Variants in ZFP37 observed in about 807,000 individuals in gnomAD.
ZFP37 encodes the protein ZFP37 zinc finger protein, also known as zinc finger protein 37 homolog.
Under a neutral mutation model 52.1 loss-of-function variants are expected in ZFP37, and 38 were observed. The observed-to-expected ratio is 0.73, with a 90% CI of 0.56 to 0.96. ZFP37 has a LOEUF of 0.96. ZFP37 is among the 40% of genes least tolerant of loss of function. The pLI, the probability that ZFP37 is intolerant of heterozygous loss-of-function variation, is 0.00. For missense variants in ZFP37, 695 were observed against 741.4 expected (o/e 0.94, Z 0.73); for synonymous variants, 253 against 259.5 (o/e 0.98, Z 0.24).
In ZFP37 at chr9:113,049,478, G is replaced by A. The variant is rs528582356; in HGVS notation, c.233C>T (p.Pro78Leu). ...QASMGCQAPK[P>L]DMISKLEKGE... ...TTTTTCCAACTTGGAGATCATGTCTGGTTTGGGAGCTTGACACCCTGCTCA... is the reference window on the plus strand; with the variant it reads ...TTTTTCCAACTTGGAGATCATGTCTAGTTTGGGAGCTTGACACCCTGCTCA... The change falls in exon 3 of 4, where the codon CCA (proline) becomes CTA (leucine). Residue 78 changes from proline (P) to leucine (L), a missense_variant. Pro to Leu is a moderately conservative substitution (Grantham distance 98, BLOSUM62 -3). This residue lies in a region of ZFP37 where 369 missense variants were observed against 340.9 expected (regional missense o/e 1.08). Transcript: ENST00000374227. 1 of 1,613,432 alleles carries A rather than the reference G, an allele frequency of 6.2e-7. No homozygotes were observed. Among genetic ancestry groups the A allele is most frequent in the Admixed American group, 1.7e-5 (1 of 59,940 alleles).
rs1235166747 is a variant in ZFP37 at position 113,043,613 on chromosome 9, G to A, written c.1005C>T (p.His335=). Residue 335 remains histidine, a synonymous_variant, in exon 4 of 4, where the codon CAC becomes CAT. Transcript: ENST00000374227. ...ECGIAFSQKS[H]LVVHQRTHTG... Reference sequence around the variant, plus strand: ...TGTGAGTTCTCTGATGTACAACAAGGTGTGACTTTTGGCTAAAGGCTATCC... The same window carrying A: ...TGTGAGTTCTCTGATGTACAACAAGATGTGACTTTTGGCTAAAGGCTATCC... 2 of 1,613,996 alleles carry A rather than the reference G, an allele frequency of 1.2e-6. No individual in the cohort carries two copies. Among genetic ancestry groups the A allele is most frequent in the Non-Finnish European group, 1.7e-6 (2 of 1,179,948 alleles).
intron 2 of ZFP37, 123 bp downstream of exon 2, chr9:113,049,668 G>C: frequency 1.4e-6 from 2 of 1,451,234 alleles, no homozygotes; most frequent in Non-Finnish European, 1.8e-6. Flanking sequence ...CAAATATCCT[G>C]CCTAGTACCC....
Position 113,049,408 on chromosome 9 carries a change from A to T in ZFP37, c.303T>A (p.Gly101=), listed in dbSNP as rs770544645. The part of the protein sequence containing the change: ...WLGKGKRPSQ[G]CPSKIARPKQ... ...TGGGTCTTGCTATTTTACTTGGACA[A>T]CCTTGACTGGGTCTTTTCCCCTTCC... is the stretch of plus-strand genomic sequence containing the variant. The change falls in exon 3 of 4, where the codon GGT becomes GGA. Residue 101 remains glycine, a synonymous_variant. Transcript: ENST00000374227. 1.2e-6 allele frequency: 2 copies of T among 1,614,124 alleles called. No homozygotes were observed. Among genetic ancestry groups the T allele is most frequent in the East Asian group, 4.5e-5 (2 of 44,864 alleles).
intron 2 of ZFP37, 49 bp downstream of exon 2, chr9:113,049,742 G>T: frequency 6.3e-7 from 1 of 1,594,682 alleles, no homozygotes; most frequent in South Asian, 1.1e-5. Context: ...ACTCCAGAGA[G>T]AAGGTATCAC....
intron 3 of ZFP37, among the ~76,000 whole-genome samples, chr9:113,044,995 G>A (rs1396624703): frequency 6.6e-6 from 1 of 152,010 alleles, no homozygotes; most frequent in Non-Finnish European, 1.5e-5. Context: ...AGTCCCTGGT[G>A]AGGACTGGCT....
In ZFP37 at chr9:113,042,056, C is replaced by T. The variant is rs1336496287; in HGVS notation, c.*669G>A. 1 of 152,132 alleles carries T rather than the reference C, an allele frequency of 6.6e-6. No homozygotes were observed. Among genetic ancestry groups the T allele is most frequent in the Non-Finnish European group, 1.5e-5 (1 of 68,014 alleles). The allele number at this position is 152,132 out of a possible 1,614,324, so 9.4% of individuals were successfully genotyped here. ...AGATAAGAGACAGAGGTTAAACAAA[C>T]ATACCCTTTTGTACACAAAGGGGAA... On this transcript the variant is annotated 3_prime_UTR_variant, in exon 4 of 4. Transcript: ENST00000374227.
In ZFP37 at chr9:113,042,889, C is replaced by T. The variant is rs142041184; in HGVS notation, c.1729G>A (p.Glu577Lys). The T allele has an allele frequency of 4.3e-4, 692 of 1,613,718 alleles. 4 individuals are homozygous for T. The highest frequency in any genetic ancestry group is 1.0e-3 in the Admixed American group (61 of 59,974). ...TTTGCATTAAAGGCTTTTTCACATT[C>T]GTTACATTCATAAGGTTTCTCCCCA... ...HTGEKPYECN[E>K]CEKAFNAKSQ... The change falls in exon 4 of 4, where the codon GAA (glutamate) becomes AAA (lysine). Residue 577 changes from glutamate to lysine, a missense_variant. Transcript: ENST00000374227.
At chr9:113,044,347 C>T (rs1828915825) in intron 3 of ZFP37, 79 bp from the exon 4 acceptor site, 2 of 1,347,702 alleles carry the variant, frequency 1.5e-6, no homozygotes, top group East Asian at 2.4e-5. Context: ...AAGAAATGAC[C>T]TGTTGTAGGG....
At chr9:113,048,178 A>C (rs1363083876) in intron 3 of ZFP37, among the ~76,000 whole-genome samples, 1 of 152,242 alleles carries the variant, frequency 6.6e-6, no homozygotes, top group African/African-American at 2.4e-5. Context: ...GTGATCTTAA[A>C]GTCAGAAATT....
chr9:113,054,421 G>A lies in ZFP37; in HGVS notation c.132+2136C>T, dbSNP rs114244046. On this transcript the variant is annotated intron_variant, in intron 1 of 3. Transcript: ENST00000374227. ...TCTGTCTTCTCTTCCTAGGTGACCC[G>A]AGCCAATCTTAAGGCTTTAAATACC... Among the ~76,000 whole-genome samples, 750 of 152,132 alleles carry A rather than the reference G, an allele frequency of 4.9e-3. 7 individuals carry two copies. The highest frequency in any genetic ancestry group is 0.017 in the African/African-American group (713 of 41,490).
rs1383441713 is a variant in ZFP37, at chr9:113,044,230, T to G, written c.388A>C (p.Lys130Gln). The G allele has an allele frequency of 6.3e-7, 1 of 1,574,898 alleles. No individual in the cohort carries two copies. The highest frequency in any genetic ancestry group is 1.2e-5 in the South Asian group (1 of 83,952). Residue 130 changes from lysine (K) to glutamine (Q), a missense_variant, in exon 4 of 4, where the codon AAA becomes CAA. Lys to Gln is a moderately conservative substitution (Grantham distance 53). Around this residue, in one of 2 missense-constraint regions of ZFP37, gnomAD observed 369 missense variants for 340.9 expected, o/e 1.08. Coordinates refer to ENST00000374227, the MANE Select transcript of ZFP37 (RefSeq NM_003408.3). ...TCCCTGAGGAGTTTGTTTTGAGATT[T>G]CTGGATATTTTCAAGCTGGTCATCA... Reference protein sequence around the residue: ...KDDDQLENIQKSQNKLLREVA... With the variant: ...KDDDQLENIQQSQNKLLREVA...
chr9:113,047,314 T>C (rs1253309068), intron 3 of ZFP37, among the ~76,000 whole-genome samples: 1 of 152,212 alleles, frequency 6.6e-6, no homozygotes, highest in Non-Finnish European at 1.5e-5. Flanking sequence ...CTGGTTCCTC[T>C]GGTCTCAGGG....
rs1213885102 is a variant in ZFP37, at chr9:113,040,743, G to A, written c.*1982C>T. On this transcript the variant is annotated 3_prime_UTR_variant, in exon 4 of 4. Transcript: ENST00000374227. ...GACAAGTCCCGATTACTGCTCATAT[G>A]TTAGTTCTGAGGAATAAATGAAATA... 1 of 152,104 alleles carries A rather than the reference G, an allele frequency of 6.6e-6. No individual in the cohort carries two copies. Among genetic ancestry groups the A allele is most frequent in the Non-Finnish European group, 1.5e-5 (1 of 68,006 alleles). 9.4% of individuals were successfully genotyped at this position (152,104 alleles called of 1,614,324 possible).
intron 3 of ZFP37, among the ~76,000 whole-genome samples, chr9:113,048,028 A>G (rs1227463447): frequency 6.6e-6 from 1 of 152,248 alleles, no homozygotes; most frequent in Non-Finnish European, 1.5e-5. Flanking sequence ...GCAAAATGAG[A>G]AGGAAGAGAA....
At chr9:113,051,587 G>A (rs1261644502) in intron 1 of ZFP37, among the ~76,000 whole-genome samples, 2 of 151,844 alleles carry the variant, frequency 1.3e-5, no homozygotes, top group African/African-American at 4.8e-5. Flanking sequence ...CAAGTAGCTG[G>A]GACTATAGGC....
Position 113,043,247 on chromosome 9 carries a change from A to C in ZFP37, c.1371T>G (p.Gly457=), listed in dbSNP as rs1467714651. Residue 457 remains glycine, a synonymous_variant, in exon 4 of 4, where the codon GGT becomes GGG. Coordinates refer to ENST00000374227, the MANE Select transcript of ZFP37 (RefSeq NM_003408.3). ...ATTCATTACATTCAAAGGGTTTCTCACCTGTATGAATTCTCATGTGTTTAG... is the reference window on the plus strand; with the variant it reads ...ATTCATTACATTCAAAGGGTTTCTCCCCTGTATGAATTCTCATGTGTTTAG... ...SLTKHMRIHT[G]EKPFECNECG... The C allele has an allele frequency of 6.2e-7, 1 of 1,613,846 alleles. No homozygotes were observed. The highest frequency in any genetic ancestry group is 1.1e-5 in the South Asian group (1 of 91,058).
In ZFP37 at chr9:113,042,539, G is replaced by T. The variant is rs1828864938; in HGVS notation, c.*186C>A. 4.5e-6 allele frequency: 2 copies of T among 449,366 alleles called. No individual in the cohort carries two copies. Among genetic ancestry groups the T allele is most frequent in the Non-Finnish European group, 3.9e-6 (1 of 259,092 alleles). 27.8% of individuals were successfully genotyped at this position (449,366 alleles called of 1,614,324 possible). On this transcript the variant is annotated 3_prime_UTR_variant, in exon 4 of 4. Coordinates refer to ENST00000374227, the MANE Select transcript of ZFP37 (RefSeq NM_003408.3). ...AGTTAAAACAATATTTTTTATAAAAGGTTTTGTATCAAGTTTAAACCCTTG... is the reference window on the plus strand; with the variant it reads ...AGTTAAAACAATATTTTTTATAAAATGTTTTGTATCAAGTTTAAACCCTTG...
At position 113,039,650 on chromosome 9, in the gene ZFP37, TAAGG is replaced by T. The variant is rs1197638196; in HGVS notation, c.*3071_*3074del. 2 of 152,194 alleles carry T rather than the reference TAAGG, an allele frequency of 1.3e-5. No homozygotes were observed. Among genetic ancestry groups the T allele is most frequent in the Non-Finnish European group, 2.9e-5 (2 of 68,030 alleles). 9.4% of individuals were successfully genotyped at this position (152,194 alleles called of 1,614,324 possible). A position where few individuals can be genotyped will look rare whatever the true frequency, so the allele number is the denominator to read the frequency against. On this transcript the variant is annotated 3_prime_UTR_variant, in exon 4 of 4. Transcript: ENST00000374227. The stretch of plus-strand genomic sequence containing the variant: ...TATTACCTATGTCCTCCTCTAGAAT[TAAGG>T]TCTATGAGAACAGGGTTTTGTTTTG...
rs1235988542 is a variant in ZFP37 at position 113,038,972 on chromosome 9, T to C, written c.*3753A>G. 1.4e-4 allele frequency: 22 copies of C among 152,156 alleles called. No individual in the cohort carries two copies. The highest frequency in any genetic ancestry group is 1.4e-3 in the Admixed American group (22 of 15,264). 9.4% of individuals were successfully genotyped at this position (152,156 alleles called of 1,614,324 possible). ...CCTGGAGATGCATCACTCAAACACA[T>C]TCCTGAGAGTAAAAGTAATAATAAA... is the stretch of plus-strand genomic sequence containing the variant. On this transcript the variant is annotated 3_prime_UTR_variant, in exon 4 of 4. Transcript: ENST00000374227.
Sources: gnomAD v4.1 joint callset for allele counts (sites outside exome capture counted in the v4.1 genomes callset) on GRCh38, gnomAD v4.1.1 for gene constraint, gnomAD v4.1.1 regional missense constraint, MANE v1.5 for transcripts, NCBI Gene and HGNC (gene_info 2026-07-23, HGNC 2026-07-21) for gene names.